Variants in LDHAL6A observed in about 807,000 individuals in gnomAD.
LDHAL6A encodes the protein lactate dehydrogenase A like 6A, also known as L-lactate dehydrogenase A-like 6A.
A neutral mutation model predicts 28.2 loss-of-function variants in LDHAL6A; 19 were observed. The ratio of observed to expected loss-of-function variants is 0.67; its 90% CI spans 0.47 to 0.99. The LOEUF is 0.99. Among genes scored for constraint, LDHAL6A ranks in the 50% least tolerant of loss-of-function variants. The pLI, the probability that LDHAL6A is intolerant of heterozygous loss-of-function variation, is 0.00. For missense variants in LDHAL6A, 372 were observed against 398.6 expected, an observed-to-expected ratio of 0.93 and a Z score of 0.57; for synonymous variants, 144 against 134.4, an observed-to-expected ratio of 1.07 and a Z score of -0.49.
chr11:18,477,174 G>A (rs1257470167), intron 5 of LDHAL6A, among the ~76,000 whole-genome samples: 3 of 151,568 alleles, frequency 2.0e-5, no homozygotes, highest in Non-Finnish European at 2.9e-5. Context: ...ATATATGGCC[G>A]GGCGTGGTGG....
rs1274628177 is a variant in LDHAL6A at position 18,468,038 on chromosome 11, CAT to C, written c.418+2236_418+2237del. The stretch of plus-strand genomic sequence containing the variant: ...ACATATATATACGTATATATATATA[CAT>C]ATATATACGTATATATATATACATA... On this transcript the variant is annotated intron_variant, in intron 3 of 6. Transcript: ENST00000280706. 4.6e-4 allele frequency among the ~76,000 whole-genome samples: 21 copies of C among 46,086 alleles called. 1 individual carries two copies. The highest frequency in any genetic ancestry group is 2.3e-3 in the African/African-American group (19 of 8,296). 30.2% of individuals were successfully genotyped at this position (46,086 alleles called of 152,430 possible).
chr11:18,462,434 A>T (rs149110333), intron 1 of LDHAL6A, among the ~76,000 whole-genome samples: 1 of 151,620 alleles, frequency 6.6e-6, no homozygotes, highest in East Asian at 2.0e-4. Context: ...TCAGGAGATC[A>T]AGACCATCCT....
At chr11:18,460,844 C>T (rs958475374) in intron 1 of LDHAL6A, among the ~76,000 whole-genome samples, 2 of 151,928 alleles carry the variant, frequency 1.3e-5, no homozygotes, top group Non-Finnish European at 2.9e-5. Context: ...CTTTCCTTTT[C>T]TTTTTTTTCT....
intron 3 of LDHAL6A, among the ~76,000 whole-genome samples, chr11:18,474,727 A>G (rs1849331731): frequency 6.6e-6 from 1 of 152,038 alleles, no homozygotes; most frequent in Non-Finnish European, 1.5e-5. Context: ...TAGGCTGGGC[A>G]TGGTCACTCA....
At position 18,467,199 on chromosome 11, in the gene LDHAL6A, G is replaced by C. The variant is rs370083803; in HGVS notation, c.418+1389G>C. On this transcript the variant is annotated intron_variant, in intron 3 of 6. Coordinates refer to ENST00000280706, the MANE Select transcript of LDHAL6A (RefSeq NM_144972.5). ...TTTTCTCTGTGCAGACCAACAGTGA[G>C]TGCATGATTAAGTTTATTCATTTTA... 1.1e-4 allele frequency among the ~76,000 whole-genome samples: 16 copies of C among 152,318 alleles called. No homozygotes were observed. The East Asian group carries it at 2.1e-3, about 20-fold the overall frequency.
At position 18,476,450 on chromosome 11, in the gene LDHAL6A, CTG is replaced by C. The variant is rs1301341036; in HGVS notation, c.660_661del (p.Asp221Ter). Reference sequence around the variant, plus strand: ...AAGGATCTGAACCCAGATATAGGAACTGATAAAGATCCTGAGCAGTGGGAAAA... The same window carrying C: ...AAGGATCTGAACCCAGATATAGGAACATAAAGATCCTGAGCAGTGGGAAAA... On this transcript the variant is annotated frameshift_variant, in exon 5 of 7. Transcript: ENST00000280706. LOFTEE classifies it high-confidence loss of function. 6.2e-7 allele frequency: 1 copy of C among 1,613,954 alleles called. No homozygotes were observed. The highest frequency in any genetic ancestry group is 8.5e-7 in the Non-Finnish European group (1 of 1,179,976).
At chr11:18,462,828 C>T (rs1207898057) in intron 1 of LDHAL6A, among the ~76,000 whole-genome samples, 1 of 140,372 alleles carries the variant, frequency 7.1e-6, no homozygotes, top group African/African-American at 3.0e-5. Context: ...GCAAGAGACT[C>T]CATCTCAAAA....
At position 18,456,294 on chromosome 11, in the gene LDHAL6A, C is replaced by G. The variant is rs1005339643; in HGVS notation, c.-387C>G. 4.1e-4 allele frequency: 84 copies of G among 206,180 alleles called. 1 individual carries two copies. The highest frequency in any genetic ancestry group is 7.8e-5 in the Non-Finnish European group (8 of 102,932). 12.8% of individuals were successfully genotyped at this position (206,180 alleles called of 1,614,324 possible). ...CCGGGCGCAGTCCTGGAGCTGAGAA[C>G]TGGAGGTTGGGGGAACAGCAGGGTA... On this transcript the variant is annotated 5_prime_UTR_variant, in exon 1 of 7. Coordinates refer to ENST00000280706, the MANE Select transcript of LDHAL6A (RefSeq NM_144972.5).
chr11:18,456,888 T>G, intron 1 of LDHAL6A, 82 bp downstream of exon 1: 1 of 1,434,292 alleles, frequency 7.0e-7, no homozygotes, highest in Non-Finnish European at 9.3e-7. Context: ...TTGTGTCCAG[T>G]TCAAGGTGGT....
chr11:18,457,963 T>G (rs923161688), intron 1 of LDHAL6A, among the ~76,000 whole-genome samples: 2 of 152,216 alleles, frequency 1.3e-5, no homozygotes. Context: ...CTATCTCTAA[T>G]TGCATGAATA....
intron 1 of LDHAL6A, among the ~76,000 whole-genome samples, chr11:18,458,922 G>A (rs1435470768): frequency 6.6e-6 from 1 of 152,132 alleles, no homozygotes; most frequent in Non-Finnish European, 1.5e-5. Flanking sequence ...GGGATATTCT[G>A]TTTACTTTCA....
chr11:18,466,317 G>A (rs1340007936), intron 3 of LDHAL6A, among the ~76,000 whole-genome samples: 1 of 151,992 alleles, frequency 6.6e-6, no homozygotes, highest in Non-Finnish European at 1.5e-5. Context: ...TATGTACTTT[G>A]CACAGTGGTA....
At chr11:18,466,070 T>C (rs1849064100) in intron 3 of LDHAL6A, among the ~76,000 whole-genome samples, 1 of 152,206 alleles carries the variant, frequency 6.6e-6, no homozygotes, top group African/African-American at 2.4e-5. Flanking sequence ...TGAGAACATG[T>C]ATTTGGTTTT....
At chr11:18,467,916 TATACACAC>T (rs1849125353) in intron 3 of LDHAL6A, among the ~76,000 whole-genome samples, 3 of 55,004 alleles carry the variant, frequency 5.5e-5, no homozygotes, top group South Asian at 8.0e-4. Flanking sequence ...TATATATATA[TATACACAC>T]ACATATATAT....
In LDHAL6A at chr11:18,477,703, A is replaced by G. The variant is rs1200340404; in HGVS notation, c.794A>G (p.Lys265Arg). ...GCTGATTTAACAGAAAGTATTTTGA[A>G]GAATCTTAGGAGAGTGCATCCAGTT... Reference protein sequence around the residue: ...SVADLTESILKNLRRVHPVST... With the variant: ...SVADLTESILRNLRRVHPVST... The change falls in exon 6 of 7, where the codon AAG becomes AGG. Residue 265 changes from lysine (K) to arginine (R), a missense_variant. By Grantham distance (26) the Lys-to-Arg change is conservative. Around this residue, in one of 3 missense-constraint regions of LDHAL6A, gnomAD observed 291 missense variants for 302.9 expected, o/e 0.96. Coordinates refer to ENST00000280706, the MANE Select transcript of LDHAL6A (RefSeq NM_144972.5). 2 of 1,613,352 alleles carry G rather than the reference A, an allele frequency of 1.2e-6. No homozygotes were observed.
Position 18,456,650 on chromosome 11 carries a change from T to C in LDHAL6A, c.-31T>C. The C allele has an allele frequency of 6.2e-7, 1 of 1,610,750 alleles. No homozygotes were observed. The highest frequency in any genetic ancestry group is 8.5e-7 in the Non-Finnish European group (1 of 1,177,712). Reference sequence around the variant, plus strand: ...CAATTCCAGGTCTTGGAAATGGCTGTGCAATTTGTCTTCACTGTTAGGTTT... The same window carrying C: ...CAATTCCAGGTCTTGGAAATGGCTGCGCAATTTGTCTTCACTGTTAGGTTT... On this transcript the variant is annotated 5_prime_UTR_variant, in exon 1 of 7. Transcript: ENST00000280706.
intron 1 of LDHAL6A, among the ~76,000 whole-genome samples, chr11:18,461,847 G>A (rs1015420452): frequency 2.3e-5 from 3 of 130,998 alleles, no homozygotes; most frequent in Non-Finnish European, 3.1e-5. Flanking sequence ...GCAAGATTCC[G>A]TCTCAAAAAA....
At chr11:18,478,662 G>C (rs12801220) in intron 6 of LDHAL6A, 44 bp from the exon 7 acceptor site, 17 of 1,491,400 alleles carry the variant, frequency 1.1e-5, no homozygotes, top group Non-Finnish European at 1.6e-5. Flanking sequence ...TCATATTGCA[G>C]AACTTTGTTA....
rs773640211 is a variant in LDHAL6A at position 18,476,539 on chromosome 11, TTG to T, written c.710+41_710+42del. ...TTTCACATTTTCAGTACCTTAGAAG[TTG>T]TGAGCCTGAACTCTGTTAGAAGGTT... On this transcript the variant is annotated intron_variant, in intron 5 of 6. Coordinates refer to ENST00000280706, the MANE Select transcript of LDHAL6A (RefSeq NM_144972.5). The T allele has an allele frequency of 1.8e-5, 29 of 1,604,232 alleles. No homozygotes were observed. The South Asian group carries it at 3.2e-4, about 18-fold the overall frequency.
Sources: gnomAD v4.1 joint callset for allele counts (sites outside exome capture counted in the v4.1 genomes callset) on GRCh38, gnomAD v4.1.1 for gene constraint, gnomAD v4.1.1 regional missense constraint, MANE v1.5 for transcripts, NCBI Gene and HGNC (gene_info 2026-07-23, HGNC 2026-07-21) for gene names.